The following CD163L1 variants were observed in gnomAD, a reference collection of about 807,000 sequenced individuals.
CD163L1 encodes CD163 molecule like 1.
A neutral mutation model predicts 165.4 loss-of-function variants in CD163L1; 124 were observed. The ratio of observed to expected loss-of-function variants is 0.75; its 90% CI spans 0.65 to 0.87. CD163L1 has a LOEUF of 0.87. CD163L1 is among the 40% of genes least tolerant of loss of function. The probability of loss-of-function intolerance (pLI) is 0.00; values close to 1 mark genes in which losing one functional copy is unlikely to be tolerated. For synonymous variants in CD163L1, 585 were observed against 662.2 expected (o/e 0.88, Z 1.79); for missense variants, 1,525 against 1,799.9 (o/e 0.85, Z 2.76).
At chr12:7,413,622 T>C (rs746205137) in intron 4 of CD163L1, among the ~76,000 whole-genome samples, 6 of 152,182 alleles carry the variant, frequency 3.9e-5, no homozygotes, top group Non-Finnish European at 5.9e-5. Context: ...TGAGGTTCCA[T>C]AGATAACTTG....
intron 8 of CD163L1, among the ~76,000 whole-genome samples, chr12:7,381,132 T>C (rs760750979): frequency 3.3e-5 from 5 of 152,194 alleles, no homozygotes; most frequent in Non-Finnish European, 5.9e-5. Context: ...TGTGATATCA[T>C]ACTATTTTTC....
At chr12:7,421,054 T>C (rs1330517706) in intron 4 of CD163L1, among the ~76,000 whole-genome samples, 1 of 95,446 alleles carries the variant, frequency 1.0e-5, no homozygotes, top group Non-Finnish European at 1.8e-5. Context: ...TATATGTATA[T>C]ACGTATATAT....
intron 18 of CD163L1, among the ~76,000 whole-genome samples, chr12:7,364,460 C>T (rs1041463084): frequency 1.1e-4 from 17 of 151,998 alleles, no homozygotes; most frequent in African/African-American, 3.6e-4. Context: ...AAGAGAAAGA[C>T]ATATGGGGCA....
intron 14 of CD163L1, 39 bp downstream of exon 14, chr12:7,373,280 CA>C: frequency 6.6e-7 from 1 of 1,517,282 alleles, no homozygotes; most frequent in Non-Finnish European, 8.9e-7. Flanking sequence ...TTATATTTCA[CA>C]GGGCTTCAGT....
Position 7,373,482 on chromosome 12 carries a change from C to T in CD163L1, c.3568G>A (p.Gly1190Arg), listed in dbSNP as rs1000907748. 1.9e-6 allele frequency: 3 copies of T among 1,614,068 alleles called. No homozygotes were observed. Among genetic ancestry groups the T allele is most frequent in the Non-Finnish European group, 2.5e-6 (3 of 1,180,036 alleles). The change falls in exon 14 of 20, where the codon GGA (glycine) becomes AGA (arginine). Residue 1190 changes from glycine to arginine, a missense_variant. Coordinates refer to ENST00000313599, the MANE Select transcript of CD163L1 (RefSeq NM_174941.6). ...GATAAAGGGGCGAGGCTGACAACTC[C>T]ATTCTCCCCACAGCCCAGCTGCCTG... ...VCRQLGCGEN[G>R]VVSLAPLSKT...
intron 8 of CD163L1, among the ~76,000 whole-genome samples, chr12:7,389,053 G>GC (rs1327737273): frequency 6.6e-6 from 1 of 152,192 alleles, no homozygotes; most frequent in Non-Finnish European, 1.5e-5. Flanking sequence ...TGTAAACAGT[G>GC]CTGCAACAAA....
At chr12:7,443,722 G>A (rs1948857335) in intron 1 of CD163L1, among the ~76,000 whole-genome samples, 1 of 152,058 alleles carries the variant, frequency 6.6e-6, no homozygotes. Context: ...TATAAAATAG[G>A]TTACATGTGT....
At chr12:7,349,519 G>T (rs762210628) in intron 4 of CD163L1, among the ~76,000 whole-genome samples, 1 of 152,224 alleles carries the variant, frequency 6.6e-6, no homozygotes, top group South Asian at 2.1e-4. Context: ...TTTCTTTCAG[G>T]AATTGCAAGT....
chr12:7,396,983 G>A (rs1053807853), intron 7 of CD163L1, among the ~76,000 whole-genome samples: 6 of 152,094 alleles, frequency 3.9e-5, no homozygotes, highest in Admixed American at 6.6e-5. Context: ...TGAGTTTTAT[G>A]AATTGATGCT....
chr12:7,347,422 A>G lies in CD163L1; in HGVS notation c.*25-275T>C, dbSNP rs1173874290. On this transcript the variant is annotated intron_variant, in intron 4 of 4. Transcript: ENST00000539726. This position sits in a 1 kb window ranked among gnomAD's most constrained non-coding sequence, Gnocchi z 4.2. ...TAGCCTAATAGTTTTCTTCATTGAC[A>G]ATGGGTGGTTACTTTCCTTATATCT... Among the ~76,000 whole-genome samples the G allele has an allele frequency of 6.6e-6, 1 of 152,076 alleles. No individual in the cohort carries two copies. Among genetic ancestry groups the G allele is most frequent in the African/African-American group, 2.4e-5 (1 of 41,410 alleles).
the CD163L1 span, among the ~76,000 whole-genome samples, chr12:7,339,025 G>T: frequency 6.6e-6 from 1 of 152,134 alleles, no homozygotes; most frequent in Admixed American, 6.6e-5. Context: ...TAAGTGTCAT[G>T]GTGGGCCTGA....
At position 7,368,022 on chromosome 12, in the gene CD163L1, C is replaced by G. The variant is rs925859520; in HGVS notation, c.4183+65G>C. ...GCATTTCTTCCATTCTGCAAGAATC[C>G]CCCATCCTGTGTGCCCTTGGTGGCA... On this transcript the variant is annotated intron_variant, in intron 17 of 19. Transcript: ENST00000313599. The surrounding 1 kb of genome is among the most constrained non-coding windows in gnomAD (Gnocchi z 4.3). 2.2e-6 allele frequency: 2 copies of G among 922,556 alleles called. No homozygotes were observed. Among genetic ancestry groups the G allele is most frequent in the African/African-American group, 1.6e-5 (1 of 60,678 alleles). The allele number at this position is 922,556 out of a possible 1,614,324, so 57.1% of individuals were successfully genotyped here.
chr12:7,358,993 G>C (rs1223961916), intron 18 of CD163L1, among the ~76,000 whole-genome samples: 1 of 150,588 alleles, frequency 6.6e-6, no homozygotes, highest in African/African-American at 2.4e-5. Context: ...ACACAGCTGA[G>C]GAAAAAAAAA....
At chr12:7,417,420 T>C (rs967334613) in intron 4 of CD163L1, among the ~76,000 whole-genome samples, 6 of 152,176 alleles carry the variant, frequency 3.9e-5, no homozygotes, top group African/African-American at 1.2e-4. Flanking sequence ...TCTTGCCTGA[T>C]TGCCCTGGCC....
the CD163L1 span, among the ~76,000 whole-genome samples, chr12:7,326,451 CCTT>C: frequency 2.6e-5 from 4 of 152,194 alleles, no homozygotes; most frequent in East Asian, 1.9e-4. Flanking sequence ...CTGAAGTTAT[CCTT>C]CTACCTTGGC....
At chr12:7,437,670 CT>C (rs199974619) in intron 2 of CD163L1, among the ~76,000 whole-genome samples, 17,959 of 132,722 alleles carry the variant, frequency 0.14, 1,778 homozygotes, top group African/African-American at 0.31. Flanking sequence ...TGAACTCATC[CT>C]TTTTTTTTTT....
At chr12:7,346,120 T>C (rs1282854063), downstream of CD163L1, among the ~76,000 whole-genome samples, 1 of 150,584 alleles carries the variant, frequency 6.6e-6, no homozygotes, top group Middle Eastern at 3.2e-3. Flanking sequence ...TGTATGTATA[T>C]TAAGAAGATA....
chr12:7,428,927 A>G (rs1480419070), intron 4 of CD163L1, among the ~76,000 whole-genome samples: 1 of 152,112 alleles, frequency 6.6e-6, no homozygotes, highest in East Asian at 1.9e-4. Context: ...AGGCATCAAT[A>G]CCAAAGTAAA....
intron 4 of CD163L1, among the ~76,000 whole-genome samples, chr12:7,431,249 C>A (rs914685081): frequency 3.9e-5 from 6 of 151,970 alleles, no homozygotes; most frequent in African/African-American, 1.5e-4. Context: ...GGTGAAACAC[C>A]ACCTCTATTA....
Sources: allele counts gnomAD v4.1 joint callset (sites outside exome capture counted in the v4.1 genomes callset), GRCh38; gene constraint gnomAD v4.1.1; non-coding constraint Gnocchi (gnomAD v3.1); transcripts MANE v1.5; gene names NCBI Gene and HGNC (gene_info 2026-07-23, HGNC 2026-07-21).